FTO: variants seen among roughly 807,000 people sequenced by gnomAD.
FTO encodes alpha-ketoglutarate-dependent dioxygenase FTO.
FTO carries 47 observed loss-of-function variants against 63.9 expected under a neutral mutation model. The observed-to-expected ratio is 0.74, with a 90% CI of 0.58 to 0.94. The LOEUF (loss-of-function observed/expected upper bound fraction) is 0.94. Ranked by LOEUF, FTO falls within the 40% of genes least tolerant of loss-of-function variation. The pLI, the probability that FTO is intolerant of heterozygous loss-of-function variation, is 0.00. For synonymous variants in FTO, 207 were observed against 224.4 expected (o/e 0.92, Z 0.69); for missense variants, 562 against 618.1 (o/e 0.91, Z 0.96).
intron 3 of FTO, among the ~76,000 whole-genome samples, chr16:53,830,399 G>GA (rs1758195510): frequency 2.0e-5 from 3 of 152,106 alleles, no homozygotes; most frequent in Admixed American, 2.0e-4. Context: ...TGTTTAATAT[G>GA]GTCCAGCACC....
At chr16:53,937,282 G>C (rs1161456765) in intron 8 of FTO, 3 of 398,532 alleles carry the variant, frequency 7.5e-6, no homozygotes, top group African/African-American at 6.2e-5. Flanking sequence ...GGGAGAAGCT[G>C]TGTGAATGCA....
rs117659448 is a variant in FTO, at chr16:54,036,567, T to C, written c.1365-75195T>C. Among the ~76,000 whole-genome samples, 88 of 152,348 alleles carry C rather than the reference T, an allele frequency of 5.8e-4. 1 individual carries two copies. In the East Asian group the frequency reaches 0.015, roughly 26 times the overall value. On this transcript the variant is annotated intron_variant, in intron 8 of 8. Transcript: ENST00000471389. ...CTAAAAATGCTGCAATGCCTTCTCA[T>C]GGTTTTTCCACACTGTAAAACAGAA...
intron 7 of FTO, among the ~76,000 whole-genome samples, chr16:53,915,106 G>T (rs1345888758): frequency 6.6e-6 from 1 of 152,074 alleles, no homozygotes; most frequent in East Asian, 1.9e-4. Context: ...ACCATAAGAC[G>T]GTATGCTTAC....
chr16:53,866,864 C>T (rs375017905), intron 4 of FTO, among the ~76,000 whole-genome samples: 9 of 151,928 alleles, frequency 5.9e-5, no homozygotes, highest in Admixed American at 4.6e-4. Flanking sequence ...TTTATCTCAT[C>T]GAGGTGCATT....
chr16:53,782,188 T>C (rs1231499033), intron 1 of FTO, among the ~76,000 whole-genome samples: 1 of 152,230 alleles, frequency 6.6e-6, no homozygotes, highest in Non-Finnish European at 1.5e-5. Context: ...TGTGTTTTTG[T>C]TTTGTTTTGG....
intron 8 of FTO, chr16:54,033,852 C>T (rs2084884335): frequency 6.6e-6 from 1 of 152,196 alleles, no homozygotes; most frequent in African/African-American, 2.4e-5. Context: ...TCATCCCATT[C>T]CAGGGAATAG....
chr16:53,976,010 A>G (rs1306924603), intron 8 of FTO, among the ~76,000 whole-genome samples: 4 of 152,098 alleles, frequency 2.6e-5, no homozygotes, highest in African/African-American at 9.7e-5. Context: ...ACTCTGTGCT[A>G]CCTCTCCAAA....
Position 53,966,349 on chromosome 16 carries a change from A to T in FTO, c.1364+32240A>T, listed in dbSNP as rs145462994. Among the ~76,000 whole-genome samples, 963 of 152,360 alleles carry T rather than the reference A, an allele frequency of 6.3e-3. 39 individuals are homozygous for T. The highest frequency in any genetic ancestry group is 0.056 in the Admixed American group (863 of 15,294). On this transcript the variant is annotated intron_variant, in intron 8 of 8. Coordinates refer to ENST00000471389, the MANE Select transcript of FTO (RefSeq NM_001080432.3). ...TGGAACATTCTATGTGGAATTGCCC[A>T]TATGAAAAGCAGTTTGATTATGACA...
intron 6 of FTO, among the ~76,000 whole-genome samples, chr16:53,882,119 C>A (rs1441762268): frequency 6.6e-6 from 1 of 152,088 alleles, no homozygotes; most frequent in East Asian, 1.9e-4. Context: ...TGGTTGAGAA[C>A]TGAAGTTCAT....
intron 2 of FTO, among the ~76,000 whole-genome samples, chr16:53,823,654 G>C (rs1165233469): frequency 6.6e-6 from 1 of 152,008 alleles, no homozygotes; most frequent in Non-Finnish European, 1.5e-5. Flanking sequence ...TTATTTAGTT[G>C]TTAAATCCAG....
intron 1 of FTO, among the ~76,000 whole-genome samples, chr16:53,777,375 A>T (rs2077485769): frequency 6.6e-6 from 1 of 152,202 alleles, no homozygotes; most frequent in African/African-American, 2.4e-5. Flanking sequence ...CAGATGACAG[A>T]ATTTCCTTTT....
chr16:53,763,737 T>G (rs2077126363), intron 1 of FTO, among the ~76,000 whole-genome samples: 1 of 152,178 alleles, frequency 6.6e-6, no homozygotes, highest in Non-Finnish European at 1.5e-5. Context: ...AGATTGCAAA[T>G]GAGGGAATTT....
intron 2 of FTO, among the ~76,000 whole-genome samples, chr16:53,819,606 T>C (rs540089574): frequency 3.3e-5 from 5 of 152,326 alleles, no homozygotes; most frequent in African/African-American, 2.4e-5. Flanking sequence ...ACTTTTTTTT[T>C]CCAGTTTGTT....
intron 2 of FTO, among the ~76,000 whole-genome samples, chr16:53,817,545 G>A (rs907129705): frequency 1.3e-5 from 2 of 151,456 alleles, no homozygotes; most frequent in African/African-American, 4.9e-5. Flanking sequence ...TCTAAGTGAA[G>A]GGTATTTCCC....
intron 1 of FTO, among the ~76,000 whole-genome samples, chr16:53,743,302 G>C (rs1047009087): frequency 6.6e-6 from 1 of 152,004 alleles, no homozygotes; most frequent in African/African-American, 2.4e-5. Context: ...TCTCCCAGTC[G>C]ATGGTTGTGG....
At chr16:54,005,140 G>C (rs368091575) in intron 8 of FTO, among the ~76,000 whole-genome samples, 49 of 149,042 alleles carry the variant, frequency 3.3e-4, no homozygotes, top group African/African-American at 1.2e-3. Flanking sequence ...TCTAGGCAGC[G>C]CCAGGTTTCT....
rs1599144977 is a variant in FTO, at chr16:53,985,033, C to T, written c.1364+50924C>T. On this transcript the variant is annotated intron_variant, in intron 8 of 8. Transcript: ENST00000471389. Reference sequence around the variant, plus strand: ...AGGTGAAGTTTAGTTTAAAACCTGCCGTTAATTTCTGGCCTCTGGCAAGAG... The same window carrying T: ...AGGTGAAGTTTAGTTTAAAACCTGCTGTTAATTTCTGGCCTCTGGCAAGAG... 2.2e-5 allele frequency: 10 copies of T among 454,980 alleles called. No homozygotes were observed. The East Asian group carries it at 3.5e-4, about 16-fold the overall frequency. 28.2% of individuals were successfully genotyped at this position (454,980 alleles called of 1,614,324 possible).
At chr16:54,086,327 AC>A (rs2086254387) in intron 8 of FTO, among the ~76,000 whole-genome samples, 1 of 152,246 alleles carries the variant, frequency 6.6e-6, no homozygotes, top group African/African-American at 2.4e-5. Flanking sequence ...TAATCAGCAT[AC>A]TTGCTGGCAA....
intron 8 of FTO, among the ~76,000 whole-genome samples, chr16:53,945,750 G>A (rs2082638254): frequency 6.6e-6 from 1 of 152,142 alleles, no homozygotes; most frequent in Non-Finnish European, 1.5e-5. Context: ...GAGAGTAGGG[G>A]TGAAAATTAG....
Sources: allele counts gnomAD v4.1 joint callset (sites outside exome capture counted in the v4.1 genomes callset), GRCh38; gene constraint gnomAD v4.1.1; transcripts MANE v1.5; gene names NCBI Gene and HGNC (gene_info 2026-07-23, HGNC 2026-07-21).